The following TMCC2 variants were observed in gnomAD, a reference collection of about 807,000 sequenced individuals.
TMCC2 encodes the protein transmembrane and coiled-coil domain family 2, also known as transmembrane and coiled-coil domains protein 2.
In TMCC2, 16 loss-of-function variants were observed where a neutral mutation model predicts 49.4. The ratio of observed to expected loss-of-function variants is 0.32; its 90% CI spans 0.22 to 0.49. The LOEUF (loss-of-function observed/expected upper bound fraction) is 0.49. TMCC2 is among the 20% of genes least tolerant of loss of function. TMCC2 has a pLI of 0.99. For missense variants in TMCC2, 762 were observed against 989.8 expected (o/e 0.77, Z 3.09); for synonymous variants, 397 against 434.1 (o/e 0.91, Z 1.06).
At chr1:205,251,287 TCCAG>T (rs1660660508) in intron 2 of TMCC2, among the ~76,000 whole-genome samples, 5 of 152,140 alleles carry the variant, frequency 3.3e-5, no homozygotes, top group Non-Finnish European at 7.4e-5. Flanking sequence ...CCCTTCTCTG[TCCAG>T]GGACAGGCTC....
Position 205,271,803 on chromosome 1 carries a change from G to A in TMCC2, c.1819-10G>A, listed in dbSNP as rs754549788. On this transcript the variant is annotated splice_polypyrimidine_tract_variant and intron_variant, in intron 4 of 4. Transcript: ENST00000358024. Reference sequence around the variant, plus strand: ...TGAGCGCACACATGCCAGCCCCTCTGCCCCTGCAGGAGGCCGTGGAGTCCT... The same window carrying A: ...TGAGCGCACACATGCCAGCCCCTCTACCCCTGCAGGAGGCCGTGGAGTCCT... The A allele has an allele frequency of 6.2e-7, 1 of 1,606,218 alleles. No individual in the cohort carries two copies. The highest frequency in any genetic ancestry group is 1.7e-5 in the Admixed American group (1 of 59,960).
intron 1 of TMCC2, among the ~76,000 whole-genome samples, chr1:205,233,257 A>G (rs760299518): frequency 1.3e-5 from 2 of 152,134 alleles, no homozygotes; most frequent in Non-Finnish European, 2.9e-5. Flanking sequence ...CCTTTAAGTA[A>G]TTTCCCTGGA....
chr1:205,238,812 G>A (rs1660155922), intron 1 of TMCC2, among the ~76,000 whole-genome samples: 1 of 152,180 alleles, frequency 6.6e-6, no homozygotes, highest in Admixed American at 6.5e-5. Context: ...ACTTAGCTAT[G>A]CTGTGCCTCC....
rs199534933 is a variant in TMCC2, at chr1:205,272,017, C to T, written c.2023C>T (p.Arg675Cys). The T allele has an allele frequency of 3.3e-5, 53 of 1,614,220 alleles. No individual in the cohort carries two copies. The highest frequency in any genetic ancestry group is 4.4e-5 in the South Asian group (4 of 91,082). ...CTTCATCACGCCCCTCATGAAGACA[C>T]GCCTGCGCATCACCAGCACCACCCT... ...ANFITPLMKT[R>C]LRITSTTLLV... is the part of the protein sequence containing the mutation. The change falls in exon 5 of 5, where the codon CGC (arginine) becomes TGC (cysteine). Residue 675 changes from arginine (R) to cysteine (C), a missense_variant. Around this residue, in one of 2 missense-constraint regions of TMCC2, gnomAD observed 440 missense variants for 636.7 expected, o/e 0.69. Coordinates refer to ENST00000358024, the MANE Select transcript of TMCC2 (RefSeq NM_014858.4).
chr1:205,271,222 C>T lies in TMCC2; in HGVS notation c.1785C>T (p.Ala595=). 3 of 1,614,170 alleles carry T rather than the reference C, an allele frequency of 1.9e-6. No homozygotes were observed. The highest frequency in any genetic ancestry group is 2.5e-6 in the Non-Finnish European group (3 of 1,180,044). ...TGGCCAGCATGGAGGAGAAGGTGGCCTACCAGTCCTATGAGAGGGCACGGG... is the reference window on the plus strand; with the variant it reads ...TGGCCAGCATGGAGGAGAAGGTGGCTTACCAGTCCTATGAGAGGGCACGGG... ...QELASMEEKV[A]YQSYERARDI... is the part of the protein sequence containing the mutation. The change falls in exon 4 of 5, where the codon GCC becomes GCT. Residue 595 remains alanine, a synonymous_variant. Coordinates refer to ENST00000358024, the MANE Select transcript of TMCC2 (RefSeq NM_014858.4).
chr1:205,233,288 A>G (rs1339321343), intron 1 of TMCC2, among the ~76,000 whole-genome samples: 1 of 152,222 alleles, frequency 6.6e-6, no homozygotes, highest in Non-Finnish European at 1.5e-5. Flanking sequence ...CAGTATTAAT[A>G]TATTTCCCTG....
In TMCC2 at chr1:205,269,188, T is replaced by A. The variant is rs1661473116; in HGVS notation, c.986T>A (p.Val329Glu). The change falls in exon 3 of 5, where the codon GTG becomes GAG. Residue 329 changes from valine (V) to glutamate (E), a missense_variant. This residue lies in a region of TMCC2 where 440 missense variants were observed against 636.7 expected (regional missense o/e 0.69). Coordinates refer to ENST00000358024, the MANE Select transcript of TMCC2 (RefSeq NM_014858.4). ...GCCAACAACGCGGACAAGCAGCAGGTGTCACGCATCAAGCAAGTGTTCGAG... is the reference window on the plus strand; with the variant it reads ...GCCAACAACGCGGACAAGCAGCAGGAGTCACGCATCAAGCAAGTGTTCGAG... ...KLANNADKQQ[V>E]SRIKQVFEKK... 1 of 1,614,018 alleles carries A rather than the reference T, an allele frequency of 6.2e-7. No homozygotes were observed. The highest frequency in any genetic ancestry group is 8.5e-7 in the Non-Finnish European group (1 of 1,180,020).
chr1:205,264,250 C>T lies in TMCC2; in HGVS notation c.748-4700C>T, dbSNP rs1049166724. On this transcript the variant is annotated intron_variant, in intron 2 of 4. Transcript: ENST00000358024. The surrounding 1 kb of genome is among the most constrained non-coding windows in gnomAD (Gnocchi z 4.2). Reference sequence around the variant, plus strand: ...CTCCCTTTAAATCATCTCTAGATTACGTACAATACCTAGTACAATGTAAAT... The same window carrying T: ...CTCCCTTTAAATCATCTCTAGATTATGTACAATACCTAGTACAATGTAAAT... Among the ~76,000 whole-genome samples the T allele has an allele frequency of 4.6e-5, 7 of 152,218 alleles. No individual in the cohort carries two copies. Among genetic ancestry groups the T allele is most frequent in the African/African-American group, 1.2e-4 (5 of 41,454 alleles).
intron 2 of TMCC2, among the ~76,000 whole-genome samples, chr1:205,266,220 G>A (rs1375392658): frequency 7.1e-5 from 10 of 140,612 alleles, no homozygotes; most frequent in Non-Finnish European, 1.2e-4. Context: ...CAGCCTGGGC[G>A]ACAGAGCGAG....
At chr1:205,271,072 G>A in intron 3 of TMCC2, 48 bp from the exon 4 acceptor site, 5 of 1,603,796 alleles carry the variant, frequency 3.1e-6, no homozygotes, top group Non-Finnish European at 4.3e-6. Context: ...GGGAGAGAGT[G>A]GAAGCTCGGG....
At chr1:205,269,987 C>T (rs1661516241) in intron 3 of TMCC2, 103 bp downstream of exon 3, 2 of 1,165,848 alleles carry the variant, frequency 1.7e-6, no homozygotes, top group East Asian at 2.4e-5. Context: ...GAGGAGCATC[C>T]TCAGCCTCCT....
At chr1:205,265,553 A>G (rs1574864777) in intron 2 of TMCC2, among the ~76,000 whole-genome samples, 1 of 141,938 alleles carries the variant, frequency 7.0e-6, no homozygotes, top group African/African-American at 2.6e-5. Flanking sequence ...CTCAGAACCC[A>G]TTTTCTTTTC....
rs57350842 is a variant in TMCC2, at chr1:205,230,997, T to TCCC, written c.207+2234_207+2236dup. The stretch of plus-strand genomic sequence containing the variant: ...CGCCCCCATCCACCCCATCCCCCCA[T>TCCC]CCCCCCCCCCGCCCCCAGAGAAAAC... On this transcript the variant is annotated intron_variant, in intron 1 of 4. Transcript: ENST00000358024. 4.9e-3 allele frequency among the ~76,000 whole-genome samples: 207 copies of TCCC among 42,256 alleles called. 2 individuals are homozygous for TCCC. Among genetic ancestry groups the TCCC allele is most frequent in the Non-Finnish European group, 7.1e-3 (143 of 20,056 alleles). The allele number at this position is 42,256 out of a possible 152,430, so 27.7% of individuals were successfully genotyped here. A position where few individuals can be genotyped will look rare whatever the true frequency, so the allele number is the denominator to read the frequency against.
At chr1:205,257,316 G>A in intron 2 of TMCC2, 1 of 1,232,204 alleles carries the variant, frequency 8.1e-7, no homozygotes, top group African/African-American at 1.5e-5. Flanking sequence ...GGGCCTCAGA[G>A]CCCCGGGTAC....
At chr1:205,246,836 A>G in intron 2 of TMCC2, 1 of 792,794 alleles carries the variant, frequency 1.3e-6, no homozygotes, top group Non-Finnish European at 2.0e-6. Flanking sequence ...CCTCCTGAGC[A>G]GGGGGAAGAC....
chr1:205,250,922 A>T (rs937720171), intron 2 of TMCC2, among the ~76,000 whole-genome samples: 2 of 152,192 alleles, frequency 1.3e-5, no homozygotes, highest in Non-Finnish European at 2.9e-5. Flanking sequence ...GGGCTGGGTC[A>T]TGGGAGTTGG....
At chr1:205,262,132 A>C (rs1397992492) in intron 2 of TMCC2, among the ~76,000 whole-genome samples, 1 of 152,144 alleles carries the variant, frequency 6.6e-6, no homozygotes, top group African/African-American at 2.4e-5. Context: ...CCCTGGGTAC[A>C]TGTGCTGGGG....
intron 2 of TMCC2, among the ~76,000 whole-genome samples, chr1:205,267,638 C>T (rs1319747262): frequency 6.6e-6 from 1 of 152,172 alleles, no homozygotes; most frequent in East Asian, 1.9e-4. Context: ...TCTCAGGCCT[C>T]CCCGCTTTCA....
At chr1:205,262,087 C>T (rs936463297) in intron 2 of TMCC2, among the ~76,000 whole-genome samples, 2 of 152,168 alleles carry the variant, frequency 1.3e-5, no homozygotes, top group Admixed American at 1.3e-4. Flanking sequence ...ACCTTGGTTG[C>T]CCTCTCTCCA....
Sources: allele counts gnomAD v4.1 joint callset (sites outside exome capture counted in the v4.1 genomes callset), GRCh38; gene constraint gnomAD v4.1.1; regional missense constraint gnomAD v4.1.1; non-coding constraint Gnocchi (gnomAD v3.1); transcripts MANE v1.5; gene names NCBI Gene and HGNC (gene_info 2026-07-23, HGNC 2026-07-21).